ZDHHC7: variants seen among roughly 807,000 people sequenced by gnomAD.
ZDHHC7 encodes the protein palmitoyltransferase ZDHHC7.
ZDHHC7 carries 12 observed loss-of-function variants against 34.1 expected under a neutral mutation model. The observed-to-expected ratio is 0.35, with a 90% confidence interval of 0.23 to 0.57. The LOEUF is 0.57. ZDHHC7 is among the 20% of genes least tolerant of loss of function. ZDHHC7 has a pLI of 0.84. For synonymous variants in ZDHHC7, 185 were observed against 155.4 expected (o/e 1.19, Z -1.42); for missense variants, 388 against 402.7 (o/e 0.96, Z 0.31).
chr16:85,007,853 C>T (rs1380606814), intron 1 of ZDHHC7, among the ~76,000 whole-genome samples: 1 of 152,002 alleles, frequency 6.6e-6, no homozygotes, highest in Non-Finnish European at 1.5e-5. Context: ...ATAATTTAAC[C>T]AGGCCAGGCA....
chr16:85,012,278 C>G (rs1367738723), upstream of ZDHHC7, among the ~76,000 whole-genome samples: 2 of 150,492 alleles, frequency 1.3e-5, no homozygotes, highest in African/African-American at 2.5e-5. Context: ...AGCAGCTACT[C>G]GAGAGGCTGA....
chr16:85,006,070 A>G (rs990326714), intron 1 of ZDHHC7, among the ~76,000 whole-genome samples: 1 of 152,202 alleles, frequency 6.6e-6, no homozygotes, highest in Non-Finnish European at 1.5e-5. Flanking sequence ...CACCGTTCAA[A>G]ATCACAGCAC....
At position 85,011,285 on chromosome 16, in the gene ZDHHC7, C is replaced by T. The variant is rs1290001182; in HGVS notation, c.-104+1G>A. The T allele has an allele frequency of 2.0e-5, 3 of 151,934 alleles. No individual in the cohort carries two copies. Among genetic ancestry groups the T allele is most frequent in the Non-Finnish European group, 4.4e-5 (3 of 67,922 alleles). The allele number at this position is 151,934 out of a possible 1,614,324, so 9.4% of individuals were successfully genotyped here. On this transcript the variant is annotated splice_donor_variant, in intron 1 of 7. Coordinates refer to ENST00000313732, the MANE Select transcript of ZDHHC7 (RefSeq NM_017740.3). LOFTEE classifies it low-confidence loss of function (5UTR_SPLICE). ...CGCCCGGCCCAGCCCGCCGCACTCA[C>T]CCGAGGCCCGGGCGGGGTCGCCCGG...
intron 2 of ZDHHC7, among the ~76,000 whole-genome samples, chr16:84,992,405 G>A (rs56090403): frequency 6.6e-6 from 1 of 151,886 alleles, no homozygotes; most frequent in Non-Finnish European, 1.5e-5. Flanking sequence ...CCCGGGGGGT[G>A]GAGGTTGCAG....
At chr16:84,990,662 G>T (rs762610580) in intron 2 of ZDHHC7, 27 bp from the exon 3 acceptor site, 1 of 1,580,588 alleles carries the variant, frequency 6.3e-7, no homozygotes, top group Non-Finnish European at 8.6e-7. Flanking sequence ...CACAGAGCTG[G>T]TAAGGCTCAA....
intron 1 of ZDHHC7, among the ~76,000 whole-genome samples, chr16:84,997,466 T>A (rs2072594927): frequency 2.0e-5 from 3 of 149,536 alleles, no homozygotes; most frequent in African/African-American, 7.3e-5. Context: ...AGAGACGTGG[T>A]TTCACCATGT....
intron 5 of ZDHHC7, 95 bp from the exon 6 acceptor site, chr16:84,978,100 T>G (rs1016870082): frequency 5.3e-6 from 5 of 947,496 alleles, no homozygotes; most frequent in Non-Finnish European, 7.9e-6. Flanking sequence ...TGCAGCGGCG[T>G]AGTCTCAGCT....
chr16:85,014,938 A>C (rs1375466550), upstream of ZDHHC7, among the ~76,000 whole-genome samples: 3 of 152,118 alleles, frequency 2.0e-5, no homozygotes, highest in African/African-American at 7.2e-5. Flanking sequence ...GGGTGCTTCC[A>C]GGTCACAGGC....
chr16:84,991,539 C>T (rs1297835065), intron 2 of ZDHHC7, among the ~76,000 whole-genome samples: 9 of 152,194 alleles, frequency 5.9e-5, no homozygotes, highest in Non-Finnish European at 8.8e-5. Context: ...CCATCTGCCT[C>T]GGCCTCCCAA....
chr16:85,014,105 T>C (rs2072824618), upstream of ZDHHC7, among the ~76,000 whole-genome samples: 1 of 152,180 alleles, frequency 6.6e-6, no homozygotes, highest in Non-Finnish European at 1.5e-5. Flanking sequence ...TAAAGTTTTC[T>C]CAAAAAATGA....
chr16:85,011,078 G>C (rs1035671284), intron 1 of ZDHHC7, among the ~76,000 whole-genome samples: 3 of 152,254 alleles, frequency 2.0e-5, no homozygotes, highest in African/African-American at 7.2e-5. Flanking sequence ...TATCCCGAGA[G>C]AGCAACTAAG....
At position 84,977,191 on chromosome 16, in the gene ZDHHC7, G is replaced by C; in HGVS notation, c.654C>G (p.Ile218Met). The C allele has an allele frequency of 1.2e-6, 2 of 1,614,196 alleles. No homozygotes were observed. Among genetic ancestry groups the C allele is most frequent in the Non-Finnish European group, 8.5e-7 (1 of 1,180,040 alleles). ...CSDFSPPITV[I>M]LLIFLCLEGL... is the part of the protein sequence containing the mutation. ...CCTCAAGGCACAGGAAGATCAACAGGATTACAGTTATCGGAGGTGAAAAAT... is the reference window on the plus strand; with the variant it reads ...CCTCAAGGCACAGGAAGATCAACAGCATTACAGTTATCGGAGGTGAAAAAT... The change falls in exon 7 of 8, where the codon ATC (isoleucine) becomes ATG (methionine). Residue 218 changes from isoleucine (I) to methionine (M), a missense_variant. Coordinates refer to ENST00000313732, the MANE Select transcript of ZDHHC7 (RefSeq NM_017740.3).
At chr16:85,016,948 C>CT in the ZDHHC7 span, among the ~76,000 whole-genome samples, 18,755 of 150,520 alleles carry the variant, frequency 0.12, 1,507 homozygotes, top group East Asian at 0.31. Flanking sequence ...TTTTCTTTTG[C>CT]TTTTTTTTTG....
chr16:85,001,585 A>C (rs1348844380), intron 1 of ZDHHC7, among the ~76,000 whole-genome samples: 3 of 152,182 alleles, frequency 2.0e-5, no homozygotes, highest in Admixed American at 6.5e-5. Flanking sequence ...TTTTGGTTTA[A>C]GGAAGATACA....
At chr16:85,019,262 C>A in the ZDHHC7 span, among the ~76,000 whole-genome samples, 1 of 152,196 alleles carries the variant, frequency 6.6e-6, no homozygotes, top group East Asian at 1.9e-4. Context: ...CTTCACTTAC[C>A]CCGTTGACTA....
chr16:84,993,863 A>C (rs2072541598), intron 2 of ZDHHC7, among the ~76,000 whole-genome samples: 1 of 152,034 alleles, frequency 6.6e-6, no homozygotes, highest in South Asian at 2.1e-4. Context: ...GCAGGGCCTA[A>C]CTTTTCTCTC....
intron 2 of ZDHHC7, among the ~76,000 whole-genome samples, chr16:84,990,947 C>T (rs1182415843): frequency 2.0e-5 from 3 of 152,094 alleles, no homozygotes; most frequent in Non-Finnish European, 4.4e-5. Context: ...CACTGGGTTC[C>T]CCGGCAGCGT....
chr16:84,977,721 C>G (rs2072316401), intron 6 of ZDHHC7, among the ~76,000 whole-genome samples: 1 of 152,232 alleles, frequency 6.6e-6, no homozygotes, highest in Non-Finnish European at 1.5e-5. Context: ...AGCTGACCAG[C>G]AGACAGACAC....
intron 2 of ZDHHC7, among the ~76,000 whole-genome samples, chr16:84,992,399 G>C (rs1265066275): frequency 6.6e-6 from 1 of 152,126 alleles, no homozygotes; most frequent in Admixed American, 6.6e-5. Context: ...CTTGAACCCG[G>C]GGGGTGGAGG....
Sources: allele counts gnomAD v4.1 joint callset (sites outside exome capture counted in the v4.1 genomes callset), GRCh38; gene constraint gnomAD v4.1.1; transcripts MANE v1.5; gene names NCBI Gene and HGNC (gene_info 2026-07-23, HGNC 2026-07-21).